MAML1: variants seen among roughly 807,000 people sequenced by gnomAD.
The protein encoded by MAML1 is mastermind-like protein 1.
MAML1 carries 14 observed loss-of-function variants against 77.1 expected under a neutral mutation model. The ratio of observed to expected loss-of-function variants is 0.18; its 90% CI spans 0.12 to 0.28. The LOEUF is 0.28. MAML1 is among the 10% of genes least tolerant of loss of function. MAML1 has a pLI of 1.00. For synonymous variants in MAML1, 516 were observed against 551.9 expected (o/e 0.93, Z 0.91); for missense variants, 1,217 against 1,327.8 (o/e 0.92, Z 1.30).
intron 1 of MAML1, among the ~76,000 whole-genome samples, chr5:179,738,621 A>T (rs1301483884): frequency 6.6e-6 from 1 of 152,032 alleles, no homozygotes; most frequent in African/African-American, 2.4e-5. Flanking sequence ...GTGTTTTCTC[A>T]CTGTCAAAAT....
intron 1 of MAML1, among the ~76,000 whole-genome samples, chr5:179,760,856 C>T (rs1289287746): frequency 2.0e-5 from 3 of 152,104 alleles, no homozygotes; most frequent in African/African-American, 7.2e-5. Flanking sequence ...CTTTGGGAGG[C>T]CGAGGTGGGC....
chr5:179,748,102 A>G (rs1408887076), intron 1 of MAML1, among the ~76,000 whole-genome samples: 1 of 152,038 alleles, frequency 6.6e-6, no homozygotes, highest in Non-Finnish European at 1.5e-5. Context: ...AATTTTTTTG[A>G]CATGGAGCCT....
rs934085530 is a variant in MAML1 at position 179,769,641 on chromosome 5, C to T, written c.1971+552C>T. On this transcript the variant is annotated intron_variant, in intron 3 of 4. Transcript: ENST00000292599. This position sits in a 1 kb window ranked among gnomAD's most constrained non-coding sequence, Gnocchi z 4.2. ...GATCTTGGCTCACTGCAGCCTCCAC[C>T]TCATGGGTTCATGCAATTCTCCTGC... Among the ~76,000 whole-genome samples, 2 of 152,138 alleles carry T rather than the reference C, an allele frequency of 1.3e-5. No individual in the cohort carries two copies. Among genetic ancestry groups the T allele is most frequent in the East Asian group, 1.9e-4 (1 of 5,196 alleles).
chr5:179,775,043 C>A lies in MAML1; in HGVS notation c.*166C>A. The A allele has an allele frequency of 7.0e-7, 1 of 1,426,042 alleles. No homozygotes were observed. Among genetic ancestry groups the A allele is most frequent in the South Asian group, 1.6e-5 (1 of 63,982 alleles). 88.3% of individuals were successfully genotyped at this position (1,426,042 alleles called of 1,614,324 possible). A position where few individuals can be genotyped will look rare whatever the true frequency, so the allele number is the denominator to read the frequency against. ...GCCCTGGGCAGGGTCTGTGGCTGCG[C>A]CCCTCAGGCCAGCAGTTGAGGTCCA... On this transcript the variant is annotated 3_prime_UTR_variant, in exon 5 of 5. Coordinates refer to ENST00000292599, the MANE Select transcript of MAML1 (RefSeq NM_014757.5).
In MAML1 at chr5:179,768,952, C is replaced by T. The variant is rs1203888425; in HGVS notation, c.1834C>T (p.Leu612Phe). The T allele has an allele frequency of 6.2e-7, 1 of 1,614,188 alleles. No individual in the cohort carries two copies. The highest frequency in any genetic ancestry group is 8.5e-7 in the Non-Finnish European group (1 of 1,180,042). Residue 612 changes from leucine (L) to phenylalanine (F), a missense_variant, in exon 3 of 5, where the codon CTC (leucine) becomes TTC (phenylalanine). By Grantham distance (22) the Leu-to-Phe change is conservative (BLOSUM62 0). Coordinates refer to ENST00000292599, the MANE Select transcript of MAML1 (RefSeq NM_014757.5). ...CAGCTCCCACAACAGCTCCCCCTAT[C>T]TCAGCAGCCAGCAACAGGCCGCTGT... ...VASSHNSSPY[L>F]SSQQQAAVMK...
chr5:179,741,967 G>A (rs570773945), intron 1 of MAML1, among the ~76,000 whole-genome samples: 7 of 151,698 alleles, frequency 4.6e-5, no homozygotes, highest in East Asian at 4.0e-4. Flanking sequence ...GGGTGATCTC[G>A]GCTCACTGCA....
rs1219688633 is a variant in MAML1 at position 179,766,808 on chromosome 5, G to A, written c.1731+67G>A. 2 of 1,329,740 alleles carry A rather than the reference G, an allele frequency of 1.5e-6. No individual in the cohort carries two copies. The highest frequency in any genetic ancestry group is 2.0e-6 in the Non-Finnish European group (2 of 986,890). 82.4% of individuals were successfully genotyped at this position (1,329,740 alleles called of 1,614,324 possible). A position where few individuals can be genotyped will look rare whatever the true frequency, so the allele number is the denominator to read the frequency against. ...CTTCAGTGAGGTTACTCACTACTTTGGATGTTAATTGGATCCGAGGTAGTT... is the reference window on the plus strand; with the variant it reads ...CTTCAGTGAGGTTACTCACTACTTTAGATGTTAATTGGATCCGAGGTAGTT... On this transcript the variant is annotated intron_variant, in intron 2 of 4. Transcript: ENST00000292599. This position sits in a 1 kb window ranked among gnomAD's most constrained non-coding sequence, Gnocchi z 4.0.
In MAML1 at chr5:179,766,536, T is replaced by G. The variant is rs1311133001; in HGVS notation, c.1526T>G (p.Val509Gly). ...NQNSANNQGS[V>G]LDYGNTKPLS... ...AACTCCGCGAATAACCAGGGGTCTG[T>G]GCTGGACTACGGCAATACAAAACCC... is the stretch of plus-strand genomic sequence containing the variant. Residue 509 changes from valine to glycine, a missense_variant, in exon 2 of 5, where the codon GTG becomes GGG. Physicochemically the swap from Val to Gly is moderately radical, Grantham distance 109 (BLOSUM62 -3). Transcript: ENST00000292599. This position sits in a 1 kb window ranked among gnomAD's most constrained non-coding sequence, Gnocchi z 4.0. 6 of 1,605,634 alleles carry G rather than the reference T, an allele frequency of 3.7e-6. No homozygotes were observed. The highest frequency in any genetic ancestry group is 4.3e-6 in the Non-Finnish European group (5 of 1,175,324).
At position 179,766,631 on chromosome 5, in the gene MAML1, G is replaced by A. The variant is rs1779825296; in HGVS notation, c.1621G>A (p.Ala541Thr). 1.2e-6 allele frequency: 2 copies of A among 1,612,738 alleles called. No homozygotes were observed. The highest frequency in any genetic ancestry group is 1.3e-5 in the African/African-American group (1 of 74,888). The change falls in exon 2 of 5, where the codon GCT becomes ACT. Residue 541 changes from alanine (A) to threonine (T), a missense_variant. Ala to Thr is a moderately conservative substitution (Grantham distance 58). Transcript: ENST00000292599. This position sits in a 1 kb window ranked among gnomAD's most constrained non-coding sequence, Gnocchi z 4.0. ...TGGCCAGAGCAAGCCAGCCCTGATG[G>A]CTTATCTTCCCCAGCAGCTGTCCCA... ...GSGQSKPALM[A>T]YLPQQLSHIS...
chr5:179,765,256 C>T (rs1033756028), intron 1 of MAML1, 70 bp from the exon 2 acceptor site: 9 of 1,362,924 alleles, frequency 6.6e-6, no homozygotes, highest in Non-Finnish European at 9.1e-6. Flanking sequence ...GACATCAGCC[C>T]TTGGCTTGTT....
At chr5:179,760,235 C>G (rs1779701898) in intron 1 of MAML1, among the ~76,000 whole-genome samples, 1 of 152,044 alleles carries the variant, frequency 6.6e-6, no homozygotes, top group African/African-American at 2.4e-5. Flanking sequence ...GGGGTCTCTG[C>G]TTGGCATTCT....
At chr5:179,739,594 G>T (rs1416755824) in intron 1 of MAML1, among the ~76,000 whole-genome samples, 1 of 152,174 alleles carries the variant, frequency 6.6e-6, no homozygotes, top group East Asian at 1.9e-4. Context: ...CGAAGTAGGA[G>T]GATTGCGTGG....
Position 179,774,449 on chromosome 5 carries a change from A to C in MAML1, c.2623A>C (p.Lys875Gln). ...CCACATGCAGCAGCAGGCCCACCTGAAAATGTCTAGCCCGCAATTCTCCCA... is the reference window on the plus strand; with the variant it reads ...CCACATGCAGCAGCAGGCCCACCTGCAAATGTCTAGCCCGCAATTCTCCCA... ...SFHMQQQAHLKMSSPQFSQAV... is the reference protein window; with the variant it reads ...SFHMQQQAHLQMSSPQFSQAV... Residue 875 changes from lysine to glutamine, a missense_variant, in exon 5 of 5, where the codon AAA (lysine) becomes CAA (glutamine). Around this residue, in one of 3 missense-constraint regions of MAML1, gnomAD observed 884 missense variants for 949.3 expected, o/e 0.93. Coordinates refer to ENST00000292599, the MANE Select transcript of MAML1 (RefSeq NM_014757.5). 6.2e-7 allele frequency: 1 copy of C among 1,613,270 alleles called. No individual in the cohort carries two copies. Among genetic ancestry groups the C allele is most frequent in the Non-Finnish European group, 8.5e-7 (1 of 1,180,030 alleles).
intron 1 of MAML1, among the ~76,000 whole-genome samples, chr5:179,743,628 G>A (rs982430965): frequency 2.2e-4 from 34 of 151,810 alleles, no homozygotes; most frequent in Admixed American, 1.3e-4. Flanking sequence ...GCCTCTCAAA[G>A]TGCTGGGATT....
In MAML1 at chr5:179,769,992, T is replaced by A. The variant is rs1001291160; in HGVS notation, c.1971+903T>A. Among the ~76,000 whole-genome samples the A allele has an allele frequency of 6.6e-6, 1 of 152,212 alleles. No homozygotes were observed. The highest frequency in any genetic ancestry group is 6.5e-5 in the Admixed American group (1 of 15,286). On this transcript the variant is annotated intron_variant, in intron 3 of 4. Coordinates refer to ENST00000292599, the MANE Select transcript of MAML1 (RefSeq NM_014757.5). This position sits in a 1 kb window ranked among gnomAD's most constrained non-coding sequence, Gnocchi z 4.2. ...ACAGCATACACTTCACCCACGTAAG[T>A]GAACAATTTAGTCATTTTTAGTATA...
chr5:179,746,427 C>T (rs1779385384), intron 1 of MAML1, among the ~76,000 whole-genome samples: 1 of 152,070 alleles, frequency 6.6e-6, no homozygotes, highest in Admixed American at 6.5e-5. Context: ...GGCTGGAGTG[C>T]AGTGGCGTGA....
chr5:179,747,943 A>C (rs1459944470), intron 1 of MAML1, among the ~76,000 whole-genome samples: 1 of 152,170 alleles, frequency 6.6e-6, no homozygotes, highest in Non-Finnish European at 1.5e-5. Flanking sequence ...AGATGTCTAA[A>C]ATAAACTCAT....
At chr5:179,735,723 T>C (rs56082288) in intron 1 of MAML1, among the ~76,000 whole-genome samples, 64 of 151,572 alleles carry the variant, frequency 4.2e-4, no homozygotes, top group Non-Finnish European at 7.4e-4. Flanking sequence ...CGTCTCGCCC[T>C]GTCACCCAGG....
chr5:179,774,513 C>T lies in MAML1; in HGVS notation c.2687C>T (p.Ala896Val). 6.2e-7 allele frequency: 1 copy of T among 1,613,208 alleles called. No homozygotes were observed. The change falls in exon 5 of 5, where the codon GCA becomes GTA. Residue 896 changes from alanine (A) to valine (V), a missense_variant. Transcript: ENST00000292599. ...AGGCCCATGGCTCCCATGAGCTCAG[C>T]AGCTGCCGTGGGGTCCTTGCTACCC... ...PNRPMAPMSS[A>V]AAVGSLLPPV...
Sources: gnomAD v4.1 joint callset for allele counts (sites outside exome capture counted in the v4.1 genomes callset) on GRCh38, gnomAD v4.1.1 for gene constraint, gnomAD v4.1.1 regional missense constraint, Gnocchi (gnomAD v3.1) non-coding constraint, MANE v1.5 for transcripts, NCBI Gene and HGNC (gene_info 2026-07-23, HGNC 2026-07-21) for gene names.